Variants in PTPRM observed in about 807,000 individuals in gnomAD.
PTPRM encodes receptor-type tyrosine-protein phosphatase mu.
PTPRM carries 47 observed loss-of-function variants against 186.7 expected under a neutral mutation model. That is an observed-to-expected ratio of 0.25 (90% CI 0.20 to 0.32). The LOEUF (loss-of-function observed/expected upper bound fraction) is 0.32, where lower values mean the gene tolerates loss of function less well. Among genes scored for constraint, PTPRM ranks in the 10% least tolerant of loss-of-function variants. The pLI is 1.00. For synonymous variants in PTPRM, 668 were observed against 674.9 expected (o/e 0.99, Z 0.16); for missense variants, 1,494 against 1,865.0 (o/e 0.80, Z 3.66).
At chr18:7,693,047 G>A (rs1012741127) in intron 1 of PTPRM, among the ~76,000 whole-genome samples, 5 of 152,174 alleles carry the variant, frequency 3.3e-5, no homozygotes, top group Admixed American at 6.5e-5. Context: ...AAATGCTTAC[G>A]TGTTGTGTAG....
chr18:7,828,157 T>C (rs1344144035), intron 2 of PTPRM, among the ~76,000 whole-genome samples: 1 of 152,228 alleles, frequency 6.6e-6, no homozygotes, highest in Non-Finnish European at 1.5e-5. Flanking sequence ...GGCAGGATTG[T>C]AGAATTACAA....
chr18:8,239,203 T>A (rs369094543), intron 14 of PTPRM, among the ~76,000 whole-genome samples: 16 of 136,896 alleles, frequency 1.2e-4, no homozygotes, highest in East Asian at 6.7e-4. Context: ...TCTCCATGTG[T>A]TCTCATTGTT....
intron 7 of PTPRM, among the ~76,000 whole-genome samples, chr18:8,025,341 C>T (rs530965339): frequency 6.0e-4 from 92 of 152,230 alleles, no homozygotes; most frequent in African/African-American, 2.1e-3. Flanking sequence ...GGTCTGAAAA[C>T]GTTTGGACAT....
At chr18:7,584,044 C>T (rs996802228) in intron 1 of PTPRM, among the ~76,000 whole-genome samples, 39 of 152,000 alleles carry the variant, frequency 2.6e-4, no homozygotes, top group East Asian at 1.3e-3. Context: ...TTACTTTATC[C>T]GCAATGGGAA....
intron 17 of PTPRM, among the ~76,000 whole-genome samples, chr18:8,248,967 C>T (rs1243131049): frequency 2.0e-5 from 3 of 152,170 alleles, no homozygotes; most frequent in Non-Finnish European, 4.4e-5. Context: ...ATGGCATTAC[C>T]TGGCTGTGAT....
intron 7 of PTPRM, chr18:8,017,939 A>G (rs2084979577): frequency 6.6e-6 from 1 of 152,206 alleles, no homozygotes; most frequent in African/African-American, 2.4e-5. Flanking sequence ...CTTAAAAAGA[A>G]TGATCATAGA....
intron 7 of PTPRM, among the ~76,000 whole-genome samples, chr18:8,027,436 T>A (rs1262918304): frequency 1.3e-5 from 2 of 152,232 alleles, no homozygotes; most frequent in South Asian, 4.1e-4. Flanking sequence ...GATTAGGATT[T>A]TACATTCCTT....
At chr18:7,963,849 A>G (rs2053842423) in intron 7 of PTPRM, among the ~76,000 whole-genome samples, 1 of 152,146 alleles carries the variant, frequency 6.6e-6, no homozygotes, top group Non-Finnish European at 1.5e-5. Flanking sequence ...TGTTGTTAGT[A>G]TGAGGCCTTG....
At chr18:8,041,808 A>G (rs1377307201) in intron 7 of PTPRM, among the ~76,000 whole-genome samples, 2 of 152,220 alleles carry the variant, frequency 1.3e-5, no homozygotes, top group African/African-American at 2.4e-5. Context: ...TTTATCTTTC[A>G]TTTATCAGCT....
chr18:7,932,315 T>A (rs183786795), intron 5 of PTPRM, among the ~76,000 whole-genome samples: 9 of 152,172 alleles, frequency 5.9e-5, no homozygotes, highest in Non-Finnish European at 8.8e-5. Context: ...TTTTTAAATA[T>A]CTTACTTTTT....
At chr18:8,398,248 T>G (rs1484136489) in intron 32 of PTPRM, among the ~76,000 whole-genome samples, 2 of 152,172 alleles carry the variant, frequency 1.3e-5, no homozygotes, top group South Asian at 4.2e-4. Flanking sequence ...CCTCTCAAAA[T>G]GCTGGGATTA....
At chr18:7,854,730 A>ATTTT (rs2047012790) in intron 2 of PTPRM, among the ~76,000 whole-genome samples, 1 of 82,590 alleles carries the variant, frequency 1.2e-5, no homozygotes, top group African/African-American at 6.3e-5. Flanking sequence ...AAATGTTAGG[A>ATTTT]GTTTTTTTTT....
In PTPRM at chr18:8,384,544, A is replaced by T. The variant is rs762526727; in HGVS notation, c.3919-17A>T. 6.2e-7 allele frequency: 1 copy of T among 1,613,860 alleles called. No homozygotes were observed. The highest frequency in any genetic ancestry group is 8.5e-7 in the Non-Finnish European group (1 of 1,179,828). ...TCCTCTTATAACTAACCTTGTGTTTATATGTTTTGAATTCAGTTGTGTCCA... is the reference window on the plus strand; with the variant it reads ...TCCTCTTATAACTAACCTTGTGTTTTTATGTTTTGAATTCAGTTGTGTCCA... On this transcript the variant is annotated splice_polypyrimidine_tract_variant and intron_variant, in intron 29 of 32. Transcript: ENST00000580170.
intron 12 of PTPRM, 151 bp downstream of exon 12, chr18:8,113,910 C>G (rs1387176740): frequency 2.3e-6 from 2 of 886,390 alleles, no homozygotes; most frequent in African/African-American, 1.7e-5. Context: ...TTATTTTTGT[C>G]TAGAGAAATT....
chr18:7,727,500 C>A (rs1312277831), intron 1 of PTPRM, among the ~76,000 whole-genome samples: 1 of 151,858 alleles, frequency 6.6e-6, no homozygotes, highest in South Asian at 2.1e-4. Context: ...TTTTTTTTGT[C>A]ATGAAGTTTC....
intron 23 of PTPRM, among the ~76,000 whole-genome samples, chr18:8,352,681 T>C (rs2095542051): frequency 1.3e-5 from 2 of 151,214 alleles, no homozygotes; most frequent in Non-Finnish European, 2.9e-5. Flanking sequence ...TTTGTTTGTT[T>C]TGTTTTTTGA....
In PTPRM at chr18:8,001,453, C is replaced by T. The variant is rs140140444; in HGVS notation, c.1132+46039C>T. Among the ~76,000 whole-genome samples, 108 of 151,926 alleles carry T rather than the reference C, an allele frequency of 7.1e-4. 4 individuals carry two copies. The East Asian group carries it at 0.019, about 26-fold the overall frequency. ...CGAATGGGTGTGTGTGTATCTGGCT[C>T]GAAAGGTGGAGCTGCTGAGAGATTG... On this transcript the variant is annotated intron_variant, in intron 7 of 32. Coordinates refer to ENST00000580170, the MANE Select transcript of PTPRM (RefSeq NM_001105244.2).
At chr18:7,606,138 G>A (rs2037525568) in intron 1 of PTPRM, among the ~76,000 whole-genome samples, 1 of 152,016 alleles carries the variant, frequency 6.6e-6, no homozygotes, top group East Asian at 1.9e-4. Context: ...ATCTTTGAAA[G>A]TCCTGCGGAT....
intron 32 of PTPRM, chr18:8,404,304 G>C (rs1047646219): frequency 6.6e-6 from 1 of 152,158 alleles, no homozygotes; most frequent in African/African-American, 2.4e-5. Flanking sequence ...TGATCTTCTT[G>C]TTCTCTGTCT....
Sources: allele counts gnomAD v4.1 joint callset (sites outside exome capture counted in the v4.1 genomes callset), GRCh38; gene constraint gnomAD v4.1.1; transcripts MANE v1.5; gene names NCBI Gene and HGNC (gene_info 2026-07-23, HGNC 2026-07-21).